PCSK5: variants seen among roughly 807,000 people sequenced by gnomAD.
PCSK5 encodes prohormone convertase 5.
Under a neutral mutation model 233.2 loss-of-function variants are expected in PCSK5, and 129 were observed. That is an observed-to-expected ratio of 0.55 (90% CI 0.48 to 0.64). PCSK5 has a LOEUF of 0.64. Among genes scored for constraint, PCSK5 ranks in the 30% least tolerant of loss-of-function variants. PCSK5 has a pLI of 0.00. For missense variants in PCSK5, 2,076 were observed against 2,430.1 expected (o/e 0.85, Z 3.06); for synonymous variants, 825 against 879.2 (o/e 0.94, Z 1.09).
chr9:76,279,763 TG>T (rs1827810316), intron 24 of PCSK5, among the ~76,000 whole-genome samples: 1 of 151,870 alleles, frequency 6.6e-6, no homozygotes, highest in South Asian at 2.1e-4. Flanking sequence ...TGGGGTTGTT[TG>T]TTTTTTTCTT....
chr9:75,969,597 C>T (rs73450650), intron 2 of PCSK5, among the ~76,000 whole-genome samples: 6,553 of 152,184 alleles, frequency 0.043, 182 homozygotes, highest in Middle Eastern at 0.11. Flanking sequence ...TCTGGTCAGT[C>T]GGGTCTAAAC....
At chr9:75,890,426 G>A (rs921872639), upstream of PCSK5, among the ~76,000 whole-genome samples, 1 of 152,130 alleles carries the variant, frequency 6.6e-6, no homozygotes, top group Non-Finnish European at 1.5e-5. Context: ...AGCAGGGAGG[G>A]AAGAGAAGGG....
chr9:76,281,694 G>A (rs1031892739), intron 24 of PCSK5, among the ~76,000 whole-genome samples: 1 of 152,170 alleles, frequency 6.6e-6, no homozygotes, highest in Non-Finnish European at 1.5e-5. Context: ...TGTCACCCAT[G>A]CTGGAGTACA....
chr9:76,283,567 A>G (rs1827952853), intron 24 of PCSK5, among the ~76,000 whole-genome samples: 1 of 152,242 alleles, frequency 6.6e-6, no homozygotes, highest in South Asian at 2.1e-4. Flanking sequence ...GGGAAACAAA[A>G]GAGTTTGTGT....
At chr9:76,328,362 T>C in intron 33 of PCSK5, 123 bp downstream of exon 33, 1 of 698,252 alleles carries the variant, frequency 1.4e-6, no homozygotes, top group South Asian at 1.8e-5. Context: ...GTTTGGGAAA[T>C]GTTCAAACCT....
chr9:76,218,824 C>T (rs367983779), intron 20 of PCSK5, among the ~76,000 whole-genome samples: 34 of 151,364 alleles, frequency 2.2e-4, no homozygotes, highest in South Asian at 2.1e-3. Context: ...GTGCTTCTTA[C>T]GATGCTGACC....
intron 2 of PCSK5, among the ~76,000 whole-genome samples, chr9:75,958,670 G>A (rs1825202532): frequency 6.6e-6 from 1 of 152,162 alleles, no homozygotes; most frequent in African/African-American, 2.4e-5. Context: ...CCTTGATTTG[G>A]AGTCAGAAGA....
chr9:76,057,856 T>TTTTTA (rs1829878835), intron 5 of PCSK5, among the ~76,000 whole-genome samples: 3 of 72,486 alleles, frequency 4.1e-5, no homozygotes, highest in African/African-American at 1.8e-4. Context: ...TTTTTTTTTT[T>TTTTTA]GAGACAGGGT....
intron 12 of PCSK5, among the ~76,000 whole-genome samples, chr9:76,159,869 C>G (rs1822775918): frequency 7.4e-6 from 1 of 135,352 alleles, no homozygotes; most frequent in Non-Finnish European, 1.5e-5. Flanking sequence ...TGTCTCCAGG[C>G]TGGAGTGCGG....
At chr9:76,284,358 G>A (rs905532816) in intron 24 of PCSK5, among the ~76,000 whole-genome samples, 1 of 152,092 alleles carries the variant, frequency 6.6e-6, no homozygotes, top group Non-Finnish European at 1.5e-5. Flanking sequence ...TCTCATGATA[G>A]TGAATAAGTT....
intron 20 of PCSK5, among the ~76,000 whole-genome samples, chr9:76,221,620 C>T (rs959477514): frequency 1.3e-5 from 2 of 152,328 alleles, no homozygotes; most frequent in African/African-American, 2.4e-5. Flanking sequence ...CATTCAGGTG[C>T]GTCAGCCAAG....
At chr9:76,193,339 C>T (rs748455101) in intron 20 of PCSK5, 1 of 1,609,012 alleles carries the variant, frequency 6.2e-7, no homozygotes, top group Non-Finnish European at 8.5e-7. Flanking sequence ...AAAACATGTA[C>T]ATTTCAAGGC....
At chr9:76,057,661 A>T (rs534962996) in intron 5 of PCSK5, among the ~76,000 whole-genome samples, 28 of 152,308 alleles carry the variant, frequency 1.8e-4, no homozygotes, top group African/African-American at 6.0e-4. Flanking sequence ...TTATTCACTC[A>T]GGAACAGTCA....
chr9:76,270,689 T>C (rs1208825979), intron 24 of PCSK5, among the ~76,000 whole-genome samples: 1 of 152,216 alleles, frequency 6.6e-6, no homozygotes, highest in Non-Finnish European at 1.5e-5. Context: ...AGACATTCTT[T>C]AGCTGAAAAT....
chr9:76,062,988 T>G (rs1372488840), intron 5 of PCSK5, among the ~76,000 whole-genome samples: 1 of 152,160 alleles, frequency 6.6e-6, no homozygotes, highest in Non-Finnish European at 1.5e-5. Context: ...TAACCATCAT[T>G]CTACTCCACA....
intron 7 of PCSK5, among the ~76,000 whole-genome samples, chr9:76,089,685 A>T (rs1831206700): frequency 1.3e-5 from 2 of 152,334 alleles, no homozygotes; most frequent in African/African-American, 4.8e-5. Flanking sequence ...GCAATACAGG[A>T]GAAGAAAGTA....
chr9:76,184,782 A>G (rs778549542), intron 17 of PCSK5, 25 bp downstream of exon 17: 7 of 1,352,794 alleles, frequency 5.2e-6, no homozygotes, highest in Non-Finnish European at 7.4e-6. Context: ...GATTTTATCA[A>G]GTAACACAGC....
intron 7 of PCSK5, among the ~76,000 whole-genome samples, chr9:76,083,810 G>A (rs1182790264): frequency 1.3e-5 from 2 of 152,208 alleles, no homozygotes; most frequent in Admixed American, 6.5e-5. Flanking sequence ...CATTCACCAC[G>A]AGGGGACAGA....
chr9:76,215,684 G>A (rs1417962152), intron 20 of PCSK5, among the ~76,000 whole-genome samples: 1 of 152,184 alleles, frequency 6.6e-6, no homozygotes. Context: ...CACTTTGGGA[G>A]ACCAAGGCAG....
Sources: allele counts gnomAD v4.1 joint callset (sites outside exome capture counted in the v4.1 genomes callset), GRCh38; gene constraint gnomAD v4.1.1; transcripts MANE v1.5; gene names NCBI Gene and HGNC (gene_info 2026-07-23, HGNC 2026-07-21).